Variants in FOXP2 observed in about 807,000 individuals in gnomAD.
FOXP2 encodes forkhead box P2.
In FOXP2, 12 loss-of-function variants were observed where a neutral mutation model predicts 115.8. The ratio of observed to expected loss-of-function variants is 0.10; its 90% confidence interval spans 0.07 to 0.17. The LOEUF is 0.17. Ranked by LOEUF, FOXP2 falls within the 10% of genes least tolerant of loss-of-function variation. The probability of loss-of-function intolerance (pLI) is 1.00; values close to 1 mark genes in which losing one functional copy is unlikely to be tolerated. For synonymous variants in FOXP2, 328 were observed against 297.7 expected, an observed-to-expected ratio of 1.10 and a Z score of -1.05; for missense variants, 629 against 843.5, an observed-to-expected ratio of 0.75 and a Z score of 3.15.
intron 2 of FOXP2, among the ~76,000 whole-genome samples, chr7:114,305,937 T>C (rs927665568): frequency 2.7e-5 from 2 of 72,884 alleles, no homozygotes; most frequent in African/African-American, 5.8e-5. Flanking sequence ...CACTTATAAA[T>C]ACTGTCCCTT....
chr7:114,681,525 C>CCTGTCAT (rs1808080516), intron 16 of FOXP2, among the ~76,000 whole-genome samples: 1 of 152,082 alleles, frequency 6.6e-6, no homozygotes, highest in Non-Finnish European at 1.5e-5. Flanking sequence ...TAATGACAAG[C>CCTGTCAT]TAATGATGAG....
chr7:114,251,939 G>T (rs924501212), intron 1 of FOXP2, among the ~76,000 whole-genome samples: 1 of 152,110 alleles, frequency 6.6e-6, no homozygotes, highest in Non-Finnish European at 1.5e-5. Context: ...GTCATAAATA[G>T]CTTTCATTAT....
chr7:114,689,817 C>G lies in FOXP2; in HGVS notation c.2039C>G (p.Ala680Gly). 2 of 1,613,418 alleles carry G rather than the reference C, an allele frequency of 1.2e-6. No individual in the cohort carries two copies. The highest frequency in any genetic ancestry group is 1.1e-5 in the South Asian group (1 of 91,068). Residue 680 changes from alanine (A) to glycine (G), a missense_variant, in exon 17 of 17, where the codon GCA becomes GGA. By Grantham distance (60) the Ala-to-Gly change is moderately conservative. Around this residue, in one of 9 missense-constraint regions of FOXP2, gnomAD observed 117 missense variants for 112.3 expected, o/e 1.04. Coordinates refer to ENST00000350908, the MANE Select transcript of FOXP2 (RefSeq NM_014491.4). ...CACGTCAAGGAAGAGCCAGTGATTG[C>G]AGAGGATGAAGACTGCCCAATGTCC... ...SIHVKEEPVI[A>G]EDEDCPMSLV...
At chr7:114,528,509 A>G (rs1175966427) in intron 2 of FOXP2, among the ~76,000 whole-genome samples, 2 of 152,032 alleles carry the variant, frequency 1.3e-5, no homozygotes, top group African/African-American at 4.8e-5. Flanking sequence ...TATAGTCACA[A>G]ACATTTTTAA....
intron 1 of FOXP2, among the ~76,000 whole-genome samples, chr7:114,269,157 C>T (rs534082237): frequency 1.7e-4 from 26 of 152,132 alleles, no homozygotes; most frequent in South Asian, 6.2e-4. Flanking sequence ...CAATTTGATA[C>T]GGCTTAGAGT....
intron 3 of FOXP2, among the ~76,000 whole-genome samples, chr7:114,590,515 T>TC (rs1421657105): frequency 6.6e-6 from 1 of 152,064 alleles, no homozygotes; most frequent in Non-Finnish European, 1.5e-5. Flanking sequence ...TGTATTAACT[T>TC]CCCAAGTCTG....
intron 1 of FOXP2, among the ~76,000 whole-genome samples, chr7:114,236,269 A>G (rs1012443772): frequency 6.6e-6 from 1 of 152,246 alleles, no homozygotes; most frequent in African/African-American, 2.4e-5. Flanking sequence ...AGAATATATA[A>G]TGAAGTTTCT....
chr7:114,112,162 G>A (rs767287600), intron 1 of FOXP2, among the ~76,000 whole-genome samples: 47 of 152,048 alleles, frequency 3.1e-4, no homozygotes, highest in Non-Finnish European at 6.0e-4. Context: ...ACTCCAATAA[G>A]GTGCCTTTTA....
intron 2 of FOXP2, among the ~76,000 whole-genome samples, chr7:114,450,052 G>C (rs1265162409): frequency 6.6e-6 from 1 of 151,862 alleles, no homozygotes; most frequent in African/African-American, 2.4e-5. Flanking sequence ...CCAGATTCTA[G>C]ATTTTTAGCT....
At chr7:114,176,507 T>TG (rs1793316106) in intron 1 of FOXP2, among the ~76,000 whole-genome samples, 1 of 151,386 alleles carries the variant, frequency 6.6e-6, no homozygotes, top group African/African-American at 2.4e-5. Flanking sequence ...GCCCGGCTAA[T>TG]TTTTGTATTT....
chr7:114,250,289 A>G (rs1221982658), intron 1 of FOXP2, among the ~76,000 whole-genome samples: 2 of 152,116 alleles, frequency 1.3e-5, no homozygotes, highest in Non-Finnish European at 2.9e-5. Context: ...AGCATGATTT[A>G]TAATCTTTTG....
intron 2 of FOXP2, among the ~76,000 whole-genome samples, chr7:114,331,792 T>C (rs1039797810): frequency 1.3e-5 from 2 of 151,900 alleles, no homozygotes; most frequent in Admixed American, 6.6e-5. Flanking sequence ...ATTACAGGCA[T>C]GCGCCATCAT....
At chr7:114,363,596 G>A (rs1791804439) in intron 2 of FOXP2, among the ~76,000 whole-genome samples, 1 of 151,924 alleles carries the variant, frequency 6.6e-6, no homozygotes, top group Non-Finnish European at 1.5e-5. Context: ...ACCAAGAGGG[G>A]GTGGCAGCTA....
chr7:114,243,219 A>T (rs896178858), intron 1 of FOXP2, among the ~76,000 whole-genome samples: 9 of 151,122 alleles, frequency 6.0e-5, no homozygotes, highest in African/African-American at 2.2e-4. Context: ...CTAGAGGGAG[A>T]TAGCACAACA....
At chr7:114,100,032 A>G (rs1489947474) in intron 1 of FOXP2, among the ~76,000 whole-genome samples, 3 of 152,320 alleles carry the variant, frequency 2.0e-5, no homozygotes, top group Non-Finnish European at 4.4e-5. Context: ...ATACTTTAAA[A>G]ACGCACAATA....
upstream of FOXP2, among the ~76,000 whole-genome samples, chr7:114,413,805 T>C (rs1288727286): frequency 6.6e-6 from 1 of 152,136 alleles, no homozygotes; most frequent in African/African-American, 2.4e-5. Context: ...CTGAAGAAAC[T>C]AAAACAAGAT....
At chr7:114,258,661 G>C (rs911127152) in intron 1 of FOXP2, among the ~76,000 whole-genome samples, 1 of 152,082 alleles carries the variant, frequency 6.6e-6, no homozygotes, top group African/African-American at 2.4e-5. Flanking sequence ...AACATTACCA[G>C]ACTTATAGCA....
chr7:114,209,725 G>A (rs913928204), intron 1 of FOXP2, among the ~76,000 whole-genome samples: 2 of 152,070 alleles, frequency 1.3e-5, no homozygotes, highest in African/African-American at 4.8e-5. Flanking sequence ...CTCCTTGATG[G>A]CATCCTGAAG....
intron 1 of FOXP2, among the ~76,000 whole-genome samples, chr7:114,416,094 A>G (rs148358825): frequency 2.9e-4 from 44 of 152,138 alleles, no homozygotes; most frequent in Admixed American, 1.4e-3. Flanking sequence ...GCTGGGCTAT[A>G]AATTACCATT....
Sources: gnomAD v4.1 joint callset for allele counts (sites outside exome capture counted in the v4.1 genomes callset) on GRCh38, gnomAD v4.1.1 for gene constraint, gnomAD v4.1.1 regional missense constraint, MANE v1.5 for transcripts, NCBI Gene and HGNC (gene_info 2026-07-23, HGNC 2026-07-21) for gene names.